MSH3: variants seen among roughly 807,000 people sequenced by gnomAD.
The protein encoded by MSH3 is DNA mismatch repair protein Msh3.
Under a neutral mutation model 123.3 loss-of-function variants are expected in MSH3, and 106 were observed. The ratio of observed to expected loss-of-function variants is 0.86; its 90% CI spans 0.73 to 1.01. MSH3 has a LOEUF of 1.01. Among genes scored for constraint, MSH3 ranks in the 50% least tolerant of loss-of-function variants. The pLI, the probability that MSH3 is intolerant of heterozygous loss-of-function variation, is 0.00. For missense variants in MSH3, 1,459 were observed against 1,347.6 expected (o/e 1.08, Z -1.29); for synonymous variants, 515 against 481.4 (o/e 1.07, Z -0.91).
Position 80,725,493 on chromosome 5 carries a change from A to G in MSH3, c.1381A>G (p.Ile461Val), listed in dbSNP as rs201589579. 5 of 1,613,968 alleles carry G rather than the reference A, an allele frequency of 3.1e-6. No individual in the cohort carries two copies. The African/African-American group carries it at 5.3e-5, about 17-fold the overall frequency. ...AATTCGAGTCGAAAGGATGGATAACATTTATTTTGAATACAGCCATGCTTT... is the reference window on the plus strand; with the variant it reads ...AATTCGAGTCGAAAGGATGGATAACGTTTATTTTGAATACAGCCATGCTTT... ...DRIRVERMDNIYFEYSHAFQA... is the reference protein window; with the variant it reads ...DRIRVERMDNVYFEYSHAFQA... The change falls in exon 9 of 24, where the codon ATT becomes GTT. Residue 461 changes from isoleucine (I) to valine (V), a missense_variant. Coordinates refer to ENST00000265081, the MANE Select transcript of MSH3 (RefSeq NM_002439.5).
At chr5:80,668,132 C>G (rs891011045) in intron 3 of MSH3, among the ~76,000 whole-genome samples, 3 of 152,046 alleles carry the variant, frequency 2.0e-5, no homozygotes, top group East Asian at 3.9e-4. Flanking sequence ...GAGAGGGGAC[C>G]CTGGAGTGGG....
intron 20 of MSH3, among the ~76,000 whole-genome samples, chr5:80,846,655 G>T (rs570186085): frequency 1.3e-5 from 2 of 152,214 alleles, no homozygotes; most frequent in African/African-American, 2.4e-5. Flanking sequence ...CCACAACGTC[G>T]CAGGTTGATC....
intron 8 of MSH3, among the ~76,000 whole-genome samples, chr5:80,721,925 C>A (rs1170963608): frequency 6.6e-6 from 1 of 151,996 alleles, no homozygotes; most frequent in Non-Finnish European, 1.5e-5. Context: ...TTTTCTGTAT[C>A]TTTTACATAT....
chr5:80,672,313 C>T lies in MSH3; in HGVS notation c.862C>T (p.His288Tyr), dbSNP rs1170572532. The T allele has an allele frequency of 1.2e-6, 2 of 1,613,834 alleles. No homozygotes were observed. Among genetic ancestry groups the T allele is most frequent in the East Asian group, 2.2e-5 (1 of 44,870 alleles). ...CTTTATGACAGCAAGTATACCTACT[C>T]ACAGACTGTTTGTTCATGTACGCCG... ...HNFMTASIPT[H>Y]RLFVHVRRLV... The change falls in exon 5 of 24, where the codon CAC (histidine) becomes TAC (tyrosine). Residue 288 changes from histidine (H) to tyrosine (Y), a missense_variant. His to Tyr is a moderately conservative substitution (Grantham distance 83). Transcript: ENST00000265081.
intron 12 of MSH3, 96 bp from the exon 13 acceptor site, chr5:80,761,450 A>T (rs975369891): frequency 3.4e-6 from 5 of 1,450,082 alleles, no homozygotes. Flanking sequence ...TGTGCCTAAT[A>T]AGTGGCTGTG....
intron 8 of MSH3, among the ~76,000 whole-genome samples, chr5:80,703,568 G>A (rs1472177738): frequency 6.6e-6 from 1 of 152,046 alleles, no homozygotes; most frequent in Admixed American, 6.5e-5. Flanking sequence ...TTTTCCTGGG[G>A]CTGCAGAGCA....
At chr5:80,775,901 T>TC in intron 16 of MSH3, 143 bp downstream of exon 16, 1 of 614,690 alleles carries the variant, frequency 1.6e-6, no homozygotes, top group East Asian at 2.9e-5. Flanking sequence ...TTTTTTTTTT[T>TC]TTGGAGGGGA....
At chr5:80,679,516 G>A (rs1170812366) in intron 8 of MSH3, among the ~76,000 whole-genome samples, 4 of 152,186 alleles carry the variant, frequency 2.6e-5, no homozygotes, top group African/African-American at 9.7e-5. Context: ...GTAATCTTCA[G>A]TTTCTAGAGA....
At chr5:80,850,580 C>T (rs1028794657) in intron 20 of MSH3, among the ~76,000 whole-genome samples, 2 of 152,142 alleles carry the variant, frequency 1.3e-5, no homozygotes, top group African/African-American at 4.8e-5. Context: ...GGGAAACTCC[C>T]GTTTTTAAAA....
At position 80,876,198 on chromosome 5, in the gene MSH3, C is replaced by T. The variant is rs905550569; in HGVS notation, c.*336C>T. The T allele has an allele frequency of 1.0e-5, 3 of 287,626 alleles. No homozygotes were observed. Among genetic ancestry groups the T allele is most frequent in the Non-Finnish European group, 2.0e-5 (3 of 153,572 alleles). The allele number at this position is 287,626 out of a possible 1,614,324, so 17.8% of individuals were successfully genotyped here. A position where few individuals can be genotyped will look rare whatever the true frequency, so the allele number is the denominator to read the frequency against. Reference sequence around the variant, plus strand: ...ATTTACTTGATATTTTTATTTGTTTCAGTTCAGATAATTGGCAACTGGGTG... The same window carrying T: ...ATTTACTTGATATTTTTATTTGTTTTAGTTCAGATAATTGGCAACTGGGTG... On this transcript the variant is annotated 3_prime_UTR_variant, in exon 24 of 24. Transcript: ENST00000265081.
At chr5:80,720,535 A>G (rs1325595170) in intron 8 of MSH3, among the ~76,000 whole-genome samples, 1 of 151,978 alleles carries the variant, frequency 6.6e-6, no homozygotes, top group Non-Finnish European at 1.5e-5. Flanking sequence ...CTTCTAGACT[A>G]TCGTTCATTC....
At chr5:80,868,624 AG>A (rs901257461) in intron 22 of MSH3, among the ~76,000 whole-genome samples, 6 of 132,496 alleles carry the variant, frequency 4.5e-5, no homozygotes, top group Admixed American at 1.6e-4. Context: ...TAGATGGGGG[AG>A]GGTGGGAGGA....
At chr5:80,794,788 G>T (rs1744669346) in intron 19 of MSH3, among the ~76,000 whole-genome samples, 1 of 152,164 alleles carries the variant, frequency 6.6e-6, no homozygotes, top group South Asian at 2.1e-4. Flanking sequence ...GTCTGAGATT[G>T]CGAGAAATGG....
chr5:80,809,526 G>A (rs892688348), intron 19 of MSH3, among the ~76,000 whole-genome samples: 2 of 151,958 alleles, frequency 1.3e-5, no homozygotes, highest in East Asian at 3.9e-4. Flanking sequence ...CTAAACTACC[G>A]ATTTAAAAAC....
intron 2 of MSH3, among the ~76,000 whole-genome samples, chr5:80,657,082 T>G (rs1749310314): frequency 6.6e-6 from 1 of 152,220 alleles, no homozygotes; most frequent in South Asian, 2.1e-4. Flanking sequence ...GACCTGCAGA[T>G]CTACTCTCCC....
intron 19 of MSH3, among the ~76,000 whole-genome samples, chr5:80,800,544 T>C (rs1744774297): frequency 6.6e-6 from 1 of 152,240 alleles, no homozygotes; most frequent in South Asian, 2.1e-4. Flanking sequence ...ATTAGCACAT[T>C]AGATGAGTGA....
At chr5:80,759,092 T>G (rs1381481423) in intron 12 of MSH3, among the ~76,000 whole-genome samples, 1 of 152,266 alleles carries the variant, frequency 6.6e-6, no homozygotes, top group Non-Finnish European at 1.5e-5. Context: ...TTACTTTATA[T>G]GTAGTCTTCA....
intron 14 of MSH3, 95 bp downstream of exon 14, chr5:80,768,215 A>T: frequency 8.7e-7 from 1 of 1,148,092 alleles, no homozygotes; most frequent in Non-Finnish European, 1.3e-6. Context: ...TACTAGAATA[A>T]TAATAGAAGT....
At chr5:80,659,586 C>T in intron 2 of MSH3, among the ~76,000 whole-genome samples, 1 of 152,220 alleles carries the variant, frequency 6.6e-6, no homozygotes, top group South Asian at 2.1e-4. Flanking sequence ...GTACTTCATT[C>T]CCTTTTCTAA....
Sources: gnomAD v4.1 joint callset for allele counts (sites outside exome capture counted in the v4.1 genomes callset) on GRCh38, gnomAD v4.1.1 for gene constraint, MANE v1.5 for transcripts, NCBI Gene and HGNC (gene_info 2026-07-23, HGNC 2026-07-21) for gene names.